ZNF835: variants seen among roughly 807,000 people sequenced by gnomAD.
ZNF835 encodes zinc finger protein 835.
For synonymous variants in ZNF835, 323 were observed against 324.7 expected, an observed-to-expected ratio of 0.99 and a Z score of 0.06; for missense variants, 783 against 758.4, an observed-to-expected ratio of 1.03 and a Z score of -0.38.
At chr19:56,670,553 C>T (rs34668720) in intron 1 of ZNF835, among the ~76,000 whole-genome samples, 1,631 of 152,304 alleles carry the variant, frequency 0.011, 15 homozygotes, top group Non-Finnish European at 0.017. Flanking sequence ...CAGCCCCACA[C>T]GTAGCTCCCT....
chr19:56,671,064 G>A (rs1208902128), intron 1 of ZNF835, among the ~76,000 whole-genome samples: 4 of 152,206 alleles, frequency 2.6e-5, no homozygotes, highest in African/African-American at 9.7e-5. Flanking sequence ...GACACTCGGG[G>A]ACGGGCTCAC....
At chr19:56,670,622 C>A (rs10420752) in intron 1 of ZNF835, among the ~76,000 whole-genome samples, 81,809 of 151,952 alleles carry the variant, frequency 0.54, 23,399 homozygotes, top group African/African-American at 0.74. Context: ...CCACACAGGC[C>A]GGCCATTACT....
At chr19:56,667,150 A>G (rs2045253555) in intron 1 of ZNF835, among the ~76,000 whole-genome samples, 1 of 152,246 alleles carries the variant, frequency 6.6e-6, no homozygotes, top group Admixed American at 6.5e-5. Flanking sequence ...TTAGAAAGCC[A>G]TAACAGAAGC....
chr19:56,663,150 G>T lies in ZNF835; in HGVS notation c.*435C>A. ...CACTCCAGCCTGGGCGACAGAGCAAGACTCCGTCTCAGAAAAAAAAAAAAA... is the reference window on the plus strand; with the variant it reads ...CACTCCAGCCTGGGCGACAGAGCAATACTCCGTCTCAGAAAAAAAAAAAAA... On this transcript the variant is annotated 3_prime_UTR_variant, in exon 2 of 2. Transcript: ENST00000537055. 1 of 173,450 alleles carries T rather than the reference G, an allele frequency of 5.8e-6. No individual in the cohort carries two copies. Among genetic ancestry groups the T allele is most frequent in the South Asian group, 1.1e-4 (1 of 9,164 alleles). 10.7% of individuals were successfully genotyped at this position (173,450 alleles called of 1,614,324 possible).
At chr19:56,665,532 C>CA (rs2045238490) in intron 1 of ZNF835, 4 of 557,314 alleles carry the variant, frequency 7.2e-6, no homozygotes, top group Non-Finnish European at 1.4e-5. Context: ...CTCATGCCTG[C>CA]AATCCCAGCA....
In ZNF835 at chr19:56,664,889, C is replaced by T; in HGVS notation, c.310G>A (p.Gly104Arg). The change falls in exon 2 of 2, where the codon GGA becomes AGA. Residue 104 changes from glycine to arginine, a missense_variant. Gly to Arg is a moderately radical substitution (Grantham distance 125). Transcript: ENST00000537055. ...HPDSRQRERG[G>R]GPKKPWKCGD... is the part of the protein sequence containing the mutation. ...CATTTCCACGGCTTCTTGGGGCCTC[C>T]ACCTCTCTCCCGCTGGCGGCTGTCA... 2.5e-6 allele frequency: 4 copies of T among 1,613,900 alleles called. No homozygotes were observed. The highest frequency in any genetic ancestry group is 2.2e-5 in the East Asian group (1 of 44,888).
chr19:56,668,844 C>T (rs986225543), intron 1 of ZNF835, among the ~76,000 whole-genome samples: 7 of 151,926 alleles, frequency 4.6e-5, no homozygotes, highest in South Asian at 4.2e-4. Flanking sequence ...CAGGCTGGGT[C>T]GGCTCAGGTG....
At chr19:56,667,930 C>T (rs1468529485) in intron 1 of ZNF835, among the ~76,000 whole-genome samples, 1 of 152,208 alleles carries the variant, frequency 6.6e-6, no homozygotes, top group Non-Finnish European at 1.5e-5. Flanking sequence ...GGACTTCCAG[C>T]CCCTAGAACT....
chr19:56,666,717 T>C (rs2045249212), intron 1 of ZNF835, among the ~76,000 whole-genome samples: 1 of 152,204 alleles, frequency 6.6e-6, no homozygotes, highest in African/African-American at 2.4e-5. Context: ...ATGTGGGGCC[T>C]TTGGAGGATG....
chr19:56,664,776 G>T lies in ZNF835; in HGVS notation c.423C>A (p.Pro141=), dbSNP rs201004452. 1 of 1,614,142 alleles carries T rather than the reference G, an allele frequency of 6.2e-7. No homozygotes were observed. Residue 141 remains proline (P), a synonymous_variant, in exon 2 of 2, where the codon CCC becomes CCA. Transcript: ENST00000537055. The part of the protein sequence containing the change: ...IHTGEKPFAC[P]ECGKAFSQSV... The stretch of plus-strand genomic sequence containing the variant: ...TCTGGCTGAAGGCCTTGCCGCACTC[G>T]GGGCACGCAAATGGCTTCTCCCCGG...
At chr19:56,670,871 C>A (rs996315571) in intron 1 of ZNF835, among the ~76,000 whole-genome samples, 1 of 152,246 alleles carries the variant, frequency 6.6e-6, no homozygotes, top group Non-Finnish European at 1.5e-5. Context: ...GGGTCACACA[C>A]CTCACATCCA....
Position 56,664,530 on chromosome 19 carries a change from C to A in ZNF835, c.669G>T (p.Ala223=), listed in dbSNP as rs764173840. Residue 223 remains alanine (A), a synonymous_variant, in exon 2 of 2, where the codon GCG becomes GCT. Coordinates refer to ENST00000537055, the MANE Select transcript of ZNF835 (RefSeq NM_001005850.3). ...RRVHTGERPY[A]CAQCAKAFRN... ...GGAACGCCTTGGCGCACTGGGCGCACGCGTAGGGCCGCTCGCCCGTGTGCA... is the reference window on the plus strand; with the variant it reads ...GGAACGCCTTGGCGCACTGGGCGCAAGCGTAGGGCCGCTCGCCCGTGTGCA... The A allele has an allele frequency of 3.7e-6, 6 of 1,608,534 alleles. No homozygotes were observed. The African/African-American group carries it at 8.1e-5, about 22-fold the overall frequency.
At chr19:56,667,750 G>T (rs991167870) in intron 1 of ZNF835, among the ~76,000 whole-genome samples, 3 of 152,168 alleles carry the variant, frequency 2.0e-5, no homozygotes, top group Non-Finnish European at 4.4e-5. Flanking sequence ...TCTGGGAGGT[G>T]ATGATGACAT....
intron 1 of ZNF835, among the ~76,000 whole-genome samples, chr19:56,670,927 C>G (rs562261594): frequency 6.6e-6 from 1 of 152,398 alleles, no homozygotes; most frequent in East Asian, 1.9e-4. Context: ...GTGTATGTGA[C>G]ATGCTGTGAT....
At position 56,662,049 on chromosome 19, in the gene ZNF835, C is replaced by T. The variant is rs1020262111; in HGVS notation, c.*1536G>A. 1 of 152,160 alleles carries T rather than the reference C, an allele frequency of 6.6e-6. No homozygotes were observed. The allele number at this position is 152,160 out of a possible 1,614,324, so 9.4% of individuals were successfully genotyped here. A position where few individuals can be genotyped will look rare whatever the true frequency, so the allele number is the denominator to read the frequency against. The stretch of plus-strand genomic sequence containing the variant: ...GATTACGTTCATAACTCCTACTTTT[C>T]ACCCTTCCCTGGGACCACATGCTTA... On this transcript the variant is annotated 3_prime_UTR_variant, in exon 2 of 2. Coordinates refer to ENST00000537055, the MANE Select transcript of ZNF835 (RefSeq NM_001005850.3).
Position 56,664,270 on chromosome 19 carries a change from T to A in ZNF835, c.929A>T (p.Asp310Val). Reference protein sequence around the residue: ...HTGEKPYTCQDCGALFSQSAS... With the variant: ...HTGEKPYTCQVCGALFSQSAS... ...GCTCTGGCTGAAGAGCGCGCCGCAG[T>A]CCTGGCACGTGTAGGGCTTCTCGCC... The change falls in exon 2 of 2, where the codon GAC becomes GTC. Residue 310 changes from aspartate to valine, a missense_variant. By Grantham distance (152) the Asp-to-Val change is radical. Coordinates refer to ENST00000537055, the MANE Select transcript of ZNF835 (RefSeq NM_001005850.3). 3.1e-6 allele frequency: 5 copies of A among 1,606,144 alleles called. No homozygotes were observed. Among genetic ancestry groups the A allele is most frequent in the Non-Finnish European group, 4.2e-6 (5 of 1,176,770 alleles).
chr19:56,664,626 C>G lies in ZNF835; in HGVS notation c.573G>C (p.Glu191Asp), dbSNP rs1300090465. 1 of 1,606,632 alleles carries G rather than the reference C, an allele frequency of 6.2e-7. No individual in the cohort carries two copies. Among genetic ancestry groups the G allele is most frequent in the East Asian group, 2.2e-5 (1 of 44,548 alleles). ...LASHWRTHTG[E>D]KPHRCADCGK... The stretch of plus-strand genomic sequence containing the variant: ...CGCAGTCGGCGCAGCGGTGCGGCTT[C>G]TCGCCCGTGTGCGTGCGCCAGTGGG... Residue 191 changes from glutamate (E) to aspartate (D), a missense_variant, in exon 2 of 2, where the codon GAG becomes GAC. By Grantham distance (45) the Glu-to-Asp change is conservative. Coordinates refer to ENST00000537055, the MANE Select transcript of ZNF835 (RefSeq NM_001005850.3).
At position 56,664,658 on chromosome 19, in the gene ZNF835, G is replaced by A. The variant is rs1007277746; in HGVS notation, c.541C>T (p.Leu181=). The A allele has an allele frequency of 9.3e-6, 15 of 1,611,222 alleles. No individual in the cohort carries two copies. Among genetic ancestry groups the A allele is most frequent in the Non-Finnish European group, 1.2e-5 (14 of 1,178,848 alleles). The change falls in exon 2 of 2, where the codon CTG becomes TTG. Residue 181 remains leucine, a synonymous_variant. Coordinates refer to ENST00000537055, the MANE Select transcript of ZNF835 (RefSeq NM_001005850.3). The part of the protein sequence containing the change: ...CGKAFSQGSY[L]ASHWRTHTGE... ...GTGTGCGTGCGCCAGTGGGACGCCAGGTACGAGCCCTGGCTGAAGGCCTTG... is the reference window on the plus strand; with the variant it reads ...GTGTGCGTGCGCCAGTGGGACGCCAAGTACGAGCCCTGGCTGAAGGCCTTG...
At position 56,663,377 on chromosome 19, in the gene ZNF835, C is replaced by A. The variant is rs2045202685; in HGVS notation, c.*208G>T. ...TAGGTGTTTCTGCAGGTCTACTTGC[C>A]CGTGCCCCATTTATAATTTTGCACC... is the stretch of plus-strand genomic sequence containing the variant. On this transcript the variant is annotated 3_prime_UTR_variant, in exon 2 of 2. Transcript: ENST00000537055. The A allele has an allele frequency of 7.8e-6, 5 of 642,616 alleles. No homozygotes were observed. Among genetic ancestry groups the A allele is most frequent in the Non-Finnish European group, 1.3e-5 (5 of 377,198 alleles). The allele number at this position is 642,616 out of a possible 1,614,324, so 39.8% of individuals were successfully genotyped here.
Sources: gnomAD v4.1 joint callset for allele counts (sites outside exome capture counted in the v4.1 genomes callset) on GRCh38, gnomAD v4.1.1 for gene constraint, MANE v1.5 for transcripts, NCBI Gene and HGNC (gene_info 2026-07-23, HGNC 2026-07-21) for gene names.